The following TTC34 variants were observed in gnomAD, a reference collection of about 807,000 sequenced individuals.
TTC34 encodes the protein tetratricopeptide repeat domain 34.
A neutral mutation model predicts 40.7 loss-of-function variants in TTC34; 44 were observed. The ratio of observed to expected loss-of-function variants is 1.08; its 90% CI spans 0.85 to 1.39. The LOEUF is 1.39. Among genes scored for constraint, TTC34 ranks in the 40% most tolerant of loss-of-function variants. TTC34 has a pLI of 0.00. For synonymous variants in TTC34, 422 were observed against 398.6 expected (o/e 1.06, Z -0.70); for missense variants, 884 against 838.0 (o/e 1.05, Z -0.68).
At chr1:2,768,740 T>G (rs1641888136) in intron 6 of TTC34, among the ~76,000 whole-genome samples, 1 of 115,038 alleles carries the variant, frequency 8.7e-6, no homozygotes, top group Admixed American at 8.7e-5. Flanking sequence ...AACAACCCCC[T>G]TCAGGTGAGC....
chr1:2,685,599 C>A lies in TTC34; in HGVS notation c.2227-40036G>T, dbSNP rs547392453. Among the ~76,000 whole-genome samples, 26 of 134,990 alleles carry A rather than the reference C, an allele frequency of 1.9e-4. 1 individual carries two copies. Among genetic ancestry groups the A allele is most frequent in the East Asian group, 6.6e-4 (3 of 4,570 alleles). The allele number at this position is 134,990 out of a possible 152,430, so 88.6% of individuals were successfully genotyped here. On this transcript the variant is annotated intron_variant, in intron 6 of 8. Coordinates refer to ENST00000401095, the Ensembl canonical transcript of TTC34. The stretch of plus-strand genomic sequence containing the variant: ...TGTACGCACAGAGCAGCACCCACAC[C>A]CCCAGGCGAGCATCCGACAGCCTGG...
chr1:2,645,388 GT>G lies in TTC34; in HGVS notation c.2401del (p.Thr801ProfsTer11). 6.5e-7 allele frequency: 1 copy of G among 1,535,648 alleles called. No homozygotes were observed. The highest frequency in any genetic ancestry group is 2.4e-5 in the East Asian group (1 of 40,894). On this transcript the variant is annotated frameshift_variant, in exon 7 of 9. Coordinates refer to ENST00000401095, the Ensembl canonical transcript of TTC34. LOFTEE classifies it high-confidence loss of function. The surrounding 1 kb of genome is among the most constrained non-coding windows in gnomAD (Gnocchi z 4.7). ...CTCCCCCACAGCAAGGAGGCCCTGG[GT>G]GTCCTTGTCCTCGAGAGGGGCCCCA... is the stretch of plus-strand genomic sequence containing the variant.
At chr1:2,765,789 C>T (rs1641772901) in intron 6 of TTC34, among the ~76,000 whole-genome samples, 1 of 22,608 alleles carries the variant, frequency 4.4e-5, no homozygotes, top group Non-Finnish European at 6.8e-5. Flanking sequence ...TGGAGCAGCG[C>T]CCACACCCCC....
chr1:2,683,590 C>T (rs1162118160), intron 6 of TTC34, among the ~76,000 whole-genome samples: 1 of 143,750 alleles, frequency 7.0e-6, no homozygotes, highest in South Asian at 2.2e-4. Context: ...ACAGCACCCA[C>T]ACACTCAGGC....
At chr1:2,677,161 T>A (rs1570791731) in intron 6 of TTC34, among the ~76,000 whole-genome samples, 1 of 34,612 alleles carries the variant, frequency 2.9e-5, no homozygotes, top group Non-Finnish European at 6.9e-5. Context: ...CCCGGAGCAG[T>A]GACCACACCT....
intron 6 of TTC34, among the ~76,000 whole-genome samples, chr1:2,759,609 G>T (rs1376393517): frequency 0.018 from 1,229 of 66,536 alleles, no homozygotes; most frequent in South Asian, 0.045. Flanking sequence ...CGCCAGGCGA[G>T]CATCCGCCAG....
At chr1:2,769,688 G>C (rs1025219359) in intron 6 of TTC34, among the ~76,000 whole-genome samples, 2 of 138,598 alleles carry the variant, frequency 1.4e-5, no homozygotes, top group Non-Finnish European at 3.0e-5. Flanking sequence ...GGGAGCATCT[G>C]ACAGTCTGGA....
At chr1:2,686,243 C>G (rs1400000641) in intron 6 of TTC34, among the ~76,000 whole-genome samples, 3 of 149,328 alleles carry the variant, frequency 2.0e-5, no homozygotes, top group Non-Finnish European at 3.0e-5. Context: ...GCCCACACCC[C>G]CAGGTGAGCA....
At chr1:2,783,862 G>A (rs1002567817) in intron 5 of TTC34, 87 bp from the exon 6 acceptor site, 21 of 1,277,268 alleles carry the variant, frequency 1.6e-5, no homozygotes, top group African/African-American at 3.1e-5. Context: ...GAGGGCAGAG[G>A]GTGCATGAGC....
At chr1:2,641,388 A>C (rs1638898179) in exon 9 of TTC34, 1 of 1,520,888 alleles carries the variant, frequency 6.6e-7, no homozygotes, top group African/African-American at 1.4e-5. Context: ...CAGCAGCCTG[A>C]GGATGCCTCC....
At position 2,639,395 on chromosome 1, in the gene TTC34, C is replaced by T. The variant is rs187407293; in HGVS notation, c.*1973G>A. On this transcript the variant is annotated 3_prime_UTR_variant, in exon 9 of 9. Coordinates refer to ENST00000401095, the Ensembl canonical transcript of TTC34. Reference sequence around the variant, plus strand: ...CGAGGAGGACGGTAGGAGCAGGGAACGTGGTGGGGAAGGGCACCCCTAGGG... The same window carrying T: ...CGAGGAGGACGGTAGGAGCAGGGAATGTGGTGGGGAAGGGCACCCCTAGGG... 9.6e-4 allele frequency: 146 copies of T among 152,620 alleles called. 3 individuals are homozygous for T. The highest frequency in any genetic ancestry group is 5.4e-3 in the Admixed American group (83 of 15,310). The allele number at this position is 152,620 out of a possible 1,614,324, so 9.5% of individuals were successfully genotyped here.
chr1:2,777,562 G>C (rs1643283828), intron 6 of TTC34, among the ~76,000 whole-genome samples: 1 of 152,206 alleles, frequency 6.6e-6, no homozygotes, highest in Non-Finnish European at 1.5e-5. Context: ...GTGAAACCAA[G>C]GCTGAGAGAC....
At position 2,681,611 on chromosome 1, in the gene TTC34, G is replaced by A. The variant is rs1378534891; in HGVS notation, c.2227-36048C>T. Among the ~76,000 whole-genome samples the A allele has an allele frequency of 5.1e-5, 3 of 58,302 alleles. 1 individual carries two copies. Among genetic ancestry groups the A allele is most frequent in the African/African-American group, 6.7e-5 (1 of 14,850 alleles). The allele number at this position is 58,302 out of a possible 152,430, so 38.2% of individuals were successfully genotyped here. A position where few individuals can be genotyped will look rare whatever the true frequency, so the allele number is the denominator to read the frequency against. On this transcript the variant is annotated intron_variant, in intron 6 of 8. Transcript: ENST00000401095. ...CCACAGGTGAGCATCAGACAGCCTG[G>A]AACCGCAGCCACACCCCCAGCGAGC...
intron 6 of TTC34, among the ~76,000 whole-genome samples, chr1:2,684,656 A>C (rs1340864828): frequency 3.9e-4 from 40 of 103,502 alleles, no homozygotes; most frequent in South Asian, 6.7e-4. Context: ...AGCATCCGAC[A>C]GCCTGGAGCA....
At chr1:2,764,426 A>G (rs1186750744) in intron 6 of TTC34, among the ~76,000 whole-genome samples, 1 of 148,144 alleles carries the variant, frequency 6.8e-6, no homozygotes, top group Non-Finnish European at 1.5e-5. Context: ...CCACACCCCC[A>G]GGTGAGCATC....
intron 6 of TTC34, among the ~76,000 whole-genome samples, chr1:2,749,400 GCACC>G (rs1641243956): frequency 3.1e-5 from 3 of 96,386 alleles, no homozygotes; most frequent in Non-Finnish European, 5.9e-5. Flanking sequence ...ACAGCACCCT[GCACC>G]CCCAGGTGCG....
chr1:2,691,846 C>G (rs1194932973), intron 6 of TTC34, among the ~76,000 whole-genome samples: 2 of 69,408 alleles, frequency 2.9e-5, no homozygotes. Flanking sequence ...ATGTGATGGT[C>G]TGGAGCAGCC....
intron 6 of TTC34, among the ~76,000 whole-genome samples, chr1:2,771,595 C>T (rs1485445278): frequency 8.8e-5 from 5 of 56,874 alleles, no homozygotes; most frequent in African/African-American, 1.5e-4. Flanking sequence ...CCTGGAGCAG[C>T]GCCCACACCC....
intron 6 of TTC34, among the ~76,000 whole-genome samples, chr1:2,686,737 C>G (rs1451666362): frequency 3.4e-5 from 5 of 145,294 alleles, no homozygotes; most frequent in Admixed American, 6.8e-5. Flanking sequence ...AGGCGAGCAT[C>G]TGACAGCCTG....
Sources: gnomAD v4.1 joint callset for allele counts (sites outside exome capture counted in the v4.1 genomes callset) on GRCh38, gnomAD v4.1.1 for gene constraint, Gnocchi (gnomAD v3.1) non-coding constraint, MANE v1.5 for transcripts, NCBI Gene and HGNC (gene_info 2026-07-23, HGNC 2026-07-21) for gene names.